The following USP6NL variants were observed in gnomAD, a reference collection of about 807,000 sequenced individuals.
USP6NL encodes USP6 N-terminal-like protein.
Under a neutral mutation model 61.9 loss-of-function variants are expected in USP6NL, and 26 were observed. The ratio of observed to expected loss-of-function variants is 0.42; its 90% CI spans 0.31 to 0.58. The LOEUF is 0.58. Ranked by LOEUF, USP6NL falls within the 20% of genes least tolerant of loss-of-function variation. USP6NL has a pLI of 0.16. For synonymous variants in USP6NL, 432 were observed against 390.1 expected (o/e 1.11, Z -1.27); for missense variants, 1,114 against 1,034.3 (o/e 1.08, Z -1.06).
intron 14 of USP6NL, among the ~76,000 whole-genome samples, chr10:11,480,478 T>C (rs1375052787): frequency 6.6e-6 from 1 of 152,186 alleles, no homozygotes; most frequent in Non-Finnish European, 1.5e-5. Context: ...AAATAAATGA[T>C]AGTAGAAAAC....
intron 2 of USP6NL, among the ~76,000 whole-genome samples, chr10:11,545,016 G>A (rs182306874): frequency 2.0e-5 from 3 of 152,276 alleles, no homozygotes; most frequent in Non-Finnish European, 2.9e-5. Flanking sequence ...TTGTCCTGGG[G>A]AGATTAAATC....
At chr10:11,557,488 T>C (rs1038090936) in intron 2 of USP6NL, among the ~76,000 whole-genome samples, 1 of 152,238 alleles carries the variant, frequency 6.6e-6, no homozygotes, top group Non-Finnish European at 1.5e-5. Flanking sequence ...TAACATATTC[T>C]AGCTCAAAGA....
At chr10:11,549,206 A>C (rs376605772) in intron 2 of USP6NL, among the ~76,000 whole-genome samples, 30 of 152,254 alleles carry the variant, frequency 2.0e-4, no homozygotes, top group Admixed American at 1.4e-3. Flanking sequence ...ATGACCTCTC[A>C]TTTCTGTCCA....
At position 11,493,231 on chromosome 10, in the gene USP6NL, G is replaced by A. The variant is rs775802202; in HGVS notation, c.385-3C>T. 6 of 1,602,844 alleles carry A rather than the reference G, an allele frequency of 3.7e-6. No homozygotes were observed. Among genetic ancestry groups the A allele is most frequent in the Non-Finnish European group, 5.1e-6 (6 of 1,173,546 alleles). ...CCCCGTGCTCTGTGTTTTAATTTCT[G>A]AAGAGAGAAAGAGAGAACAGAACAG... On this transcript the variant is annotated splice_region_variant and splice_polypyrimidine_tract_variant and intron_variant, in intron 7 of 14. Transcript: ENST00000609104.
chr10:11,493,855 G>T (rs1242783370), intron 7 of USP6NL, among the ~76,000 whole-genome samples: 3 of 151,380 alleles, frequency 2.0e-5, no homozygotes, highest in Admixed American at 2.0e-4. Flanking sequence ...TCTCCTGCCT[G>T]TGCAGCCTGA....
At chr10:11,484,184 G>A (rs146448130) in intron 13 of USP6NL, among the ~76,000 whole-genome samples, 20 of 152,316 alleles carry the variant, frequency 1.3e-4, no homozygotes, top group Admixed American at 2.6e-4. Flanking sequence ...TTAGAAGTAC[G>A]TGTACGTATG....
At position 11,603,231 on chromosome 10, in the gene USP6NL, CCAGA is replaced by C. The variant is rs1009644497; in HGVS notation, c.-83-5518_-83-5515del. On this transcript the variant is annotated intron_variant, in intron 1 of 14. Transcript: ENST00000609104. ...AATTTCCCCTTCCACAGGTAGGTTT[CCAGA>C]CAGACTTATCAAATCCGAGTAGGTT... Among the ~76,000 whole-genome samples, 488 of 152,306 alleles carry C rather than the reference CCAGA, an allele frequency of 3.2e-3. 2 individuals are homozygous for C. Among genetic ancestry groups the C allele is most frequent in the African/African-American group, 0.011 (447 of 41,554 alleles).
rs769098450 is a variant in USP6NL, at chr10:11,532,131, G to A, written c.5-4564C>T. On this transcript the variant is annotated intron_variant, in intron 2 of 14. Coordinates refer to ENST00000609104, the MANE Select transcript of USP6NL (RefSeq NM_014688.5). This position sits in a 1 kb window ranked among gnomAD's most constrained non-coding sequence, Gnocchi z 4.1. ...ATTTTTCCTAGAGTACATTTTGACA[G>A]ATGAACGTTAAAAATATAAACAACA... 7 of 1,357,558 alleles carry A rather than the reference G, an allele frequency of 5.2e-6. No individual in the cohort carries two copies. The highest frequency in any genetic ancestry group is 7.1e-6 in the Non-Finnish European group (7 of 985,324). 84.1% of individuals were successfully genotyped at this position (1,357,558 alleles called of 1,614,324 possible). A position where few individuals can be genotyped will look rare whatever the true frequency, so the allele number is the denominator to read the frequency against.
intron 14 of USP6NL, among the ~76,000 whole-genome samples, chr10:11,473,381 G>A (rs1832836547): frequency 6.6e-6 from 1 of 152,168 alleles, no homozygotes; most frequent in African/African-American, 2.4e-5. Context: ...CATGTGTAGT[G>A]GACGGGTCAG....
chr10:11,552,155 C>A (rs1369761839), intron 2 of USP6NL, among the ~76,000 whole-genome samples: 1 of 152,070 alleles, frequency 6.6e-6, no homozygotes, highest in African/African-American at 2.4e-5. Context: ...TGCTTAGAGG[C>A]GTGGCATACA....
rs983291103 is a variant in USP6NL, at chr10:11,540,294, T to C, written c.5-12727A>G. Among the ~76,000 whole-genome samples, 1 of 152,228 alleles carries C rather than the reference T, an allele frequency of 6.6e-6. No individual in the cohort carries two copies. Among genetic ancestry groups the C allele is most frequent in the Non-Finnish European group, 1.5e-5 (1 of 68,022 alleles). ...GTCATAATCAACTGGACCTGCTATA[T>C]TATGTTTTAAGTTGTGTGTTTTAGG... On this transcript the variant is annotated intron_variant, in intron 2 of 14. Transcript: ENST00000609104. This position sits in a 1 kb window ranked among gnomAD's most constrained non-coding sequence, Gnocchi z 5.0.
chr10:11,487,141 G>A lies in USP6NL; in HGVS notation c.665-1230C>T, dbSNP rs189081726. Among the ~76,000 whole-genome samples, 17 of 151,584 alleles carry A rather than the reference G, an allele frequency of 1.1e-4. No homozygotes were observed. The highest frequency in any genetic ancestry group is 2.9e-4 in the African/African-American group (12 of 41,290). ...AATTTTCAAGAAAAGTCTAATTTTCGAAAAGTCAATACAGTTCAGTAATAA... is the reference window on the plus strand; with the variant it reads ...AATTTTCAAGAAAAGTCTAATTTTCAAAAAGTCAATACAGTTCAGTAATAA... On this transcript the variant is annotated intron_variant, in intron 10 of 14. Coordinates refer to ENST00000609104, the MANE Select transcript of USP6NL (RefSeq NM_014688.5). This position sits in a 1 kb window ranked among gnomAD's most constrained non-coding sequence, Gnocchi z 4.2.
intron 2 of USP6NL, chr10:11,573,506 C>T (rs1027124697): frequency 2.5e-5 from 10 of 396,462 alleles, no homozygotes; most frequent in Non-Finnish European, 4.0e-5. Flanking sequence ...AAAGCATACA[C>T]GGAAACTCAA....
At chr10:11,588,385 C>T (rs548068255) in intron 2 of USP6NL, among the ~76,000 whole-genome samples, 9 of 152,174 alleles carry the variant, frequency 5.9e-5, no homozygotes, top group African/African-American at 1.4e-4. Context: ...AAAAGAATGG[C>T]GTTGTTTTTC....
At position 11,462,812 on chromosome 10, in the gene USP6NL, C is replaced by T. The variant is rs1195683004; in HGVS notation, c.2116G>A (p.Gly706Ser). ...SRIEVLPVDT[G>S]AGGYSGNSGS... ...GAATTGCCCGAATATCCCCCAGCAC[C>T]AGTGTCAACAGGGAGGACTTCTATT... Residue 706 changes from glycine to serine, a missense_variant, in exon 15 of 15, where the codon GGT (glycine) becomes AGT (serine). Physicochemically the swap from Gly to Ser is moderately conservative, Grantham distance 56. Coordinates refer to ENST00000609104, the MANE Select transcript of USP6NL (RefSeq NM_014688.5). 1 of 1,614,020 alleles carries T rather than the reference C, an allele frequency of 6.2e-7. No homozygotes were observed. Among genetic ancestry groups the T allele is most frequent in the Non-Finnish European group, 8.5e-7 (1 of 1,179,898 alleles).
rs1838158374 is a variant in USP6NL at position 11,591,541 on chromosome 10, A to C, written c.4+6090T>G. ...TATAGTAATTTACATTTATGCAAAA[A>C]ATTAAATCACCAAATAAAAGGAAAA... is the stretch of plus-strand genomic sequence containing the variant. On this transcript the variant is annotated intron_variant, in intron 2 of 14. Transcript: ENST00000609104. This position sits in a 1 kb window ranked among gnomAD's most constrained non-coding sequence, Gnocchi z 4.7. Among the ~76,000 whole-genome samples, 1 of 152,148 alleles carries C rather than the reference A, an allele frequency of 6.6e-6. No individual in the cohort carries two copies. The highest frequency in any genetic ancestry group is 6.5e-5 in the Admixed American group (1 of 15,274).
chr10:11,568,415 C>T (rs1837246336), intron 2 of USP6NL, among the ~76,000 whole-genome samples: 1 of 152,168 alleles, frequency 6.6e-6, no homozygotes, highest in Non-Finnish European at 1.5e-5. Context: ...GATCACAGGT[C>T]TTCCAACTCC....
intron 10 of USP6NL, among the ~76,000 whole-genome samples, chr10:11,486,205 G>A (rs865961643): frequency 7.5e-5 from 11 of 146,510 alleles, no homozygotes; most frequent in Admixed American, 1.4e-4. Context: ...AAGATTATCT[G>A]TTCTTTTAAG....
chr10:11,606,617 T>C (rs1176882262), intron 1 of USP6NL, among the ~76,000 whole-genome samples: 2 of 152,012 alleles, frequency 1.3e-5, no homozygotes, highest in Admixed American at 6.6e-5. Context: ...TATTATACTT[T>C]GATAAATCAA....
Sources: allele counts gnomAD v4.1 joint callset (sites outside exome capture counted in the v4.1 genomes callset), GRCh38; gene constraint gnomAD v4.1.1; non-coding constraint Gnocchi (gnomAD v3.1); transcripts MANE v1.5; gene names NCBI Gene and HGNC (gene_info 2026-07-23, HGNC 2026-07-21).